HHIPL1: variants seen among roughly 807,000 people sequenced by gnomAD.
The protein encoded by HHIPL1 is HHIP-like protein 1.
A neutral mutation model predicts 61.8 loss-of-function variants in HHIPL1; 43 were observed. That is an observed-to-expected ratio of 0.70 (90% CI 0.55 to 0.90). HHIPL1 has a LOEUF of 0.90. Among genes scored for constraint, HHIPL1 ranks in the 40% least tolerant of loss-of-function variants. HHIPL1 has a pLI of 0.00. For synonymous variants in HHIPL1, 482 were observed against 515.8 expected (o/e 0.93, Z 0.89); for missense variants, 1,056 against 1,157.7 (o/e 0.91, Z 1.28).
Position 99,645,252 on chromosome 14 carries a change from CG to C in HHIPL1, c.49del (p.Ala17ProfsTer40). ...GGGCGCTGCTGGCGCTTTGGGTGCT[CG>C]GGGCCGCCGCGCATCCGCAGTGCCT... ...AGALLALWVLGAAAHPQCLDF... is the reference protein window; with the variant it reads ...AGALLALWVLXAAAHPQCLDF... On this transcript the variant is annotated frameshift_variant, in exon 1 of 9. Transcript: ENST00000330710. LOFTEE classifies it high-confidence loss of function. 1 of 1,380,174 alleles carries C rather than the reference CG, an allele frequency of 7.2e-7. No individual in the cohort carries two copies. Among genetic ancestry groups the C allele is most frequent in the Non-Finnish European group, 9.3e-7 (1 of 1,070,810 alleles). 85.5% of individuals were successfully genotyped at this position (1,380,174 alleles called of 1,614,324 possible). A position where few individuals can be genotyped will look rare whatever the true frequency, so the allele number is the denominator to read the frequency against.
At chr14:99,625,394 GTTA>G in the HHIPL1 span, 1 of 152,238 alleles carries the variant, frequency 6.6e-6, no homozygotes, top group Non-Finnish European at 1.5e-5. Context: ...TGCCAAACTG[GTTA>G]TTATTGTCAC....
At chr14:99,621,118 A>C in the HHIPL1 span, among the ~76,000 whole-genome samples, 12 of 151,982 alleles carry the variant, frequency 7.9e-5, no homozygotes, top group East Asian at 2.3e-3. Flanking sequence ...TTTTTTTTTG[A>C]AACAGGGTCT....
At chr14:99,622,836 A>T in the HHIPL1 span, among the ~76,000 whole-genome samples, 1 of 152,238 alleles carries the variant, frequency 6.6e-6, no homozygotes, top group South Asian at 2.1e-4. Context: ...TGGGATGGTC[A>T]CCACATTAAA....
intron 2 of HHIPL1, among the ~76,000 whole-genome samples, chr14:99,653,758 C>T (rs1424010173): frequency 6.6e-6 from 1 of 152,204 alleles, no homozygotes; most frequent in Non-Finnish European, 1.5e-5. Flanking sequence ...TATGCCCCAA[C>T]TGTTTTCAAA....
At position 99,680,038 on chromosome 14, in the gene HHIPL1, G is replaced by A. The variant is rs1235878329; in HGVS notation, c.*4412G>A. 1 of 152,106 alleles carries A rather than the reference G, an allele frequency of 6.6e-6. No homozygotes were observed. The highest frequency in any genetic ancestry group is 1.5e-5 in the Non-Finnish European group (1 of 68,042). 9.4% of individuals were successfully genotyped at this position (152,106 alleles called of 1,614,324 possible). ...CATTTAATCTTGACAACAGCTCCAC[G>A]AGACACCCTCAATATCACTGTCCCT... On this transcript the variant is annotated 3_prime_UTR_variant, in exon 9 of 9. Coordinates refer to ENST00000330710, the MANE Select transcript of HHIPL1 (RefSeq NM_001127258.3).
At chr14:99,657,288 TG>T in intron 3 of HHIPL1, 145 bp downstream of exon 3, 10 of 951,590 alleles carry the variant, frequency 1.1e-5, no homozygotes, top group South Asian at 1.5e-5. Flanking sequence ...TGCAGCTAGC[TG>T]GGCAGCCTAG....
chr14:99,668,721 C>A lies in HHIPL1; in HGVS notation c.1730+418C>A. On this transcript the variant is annotated intron_variant, in intron 7 of 8. Transcript: ENST00000330710. This position sits in a 1 kb window ranked among gnomAD's most constrained non-coding sequence, Gnocchi z 4.7. ...GATGCCTCCCAGATGACACCCTGAT[C>A]CCTGTGTGTCCCCGCCCCGTGCCTG... 1 of 948,046 alleles carries A rather than the reference C, an allele frequency of 1.1e-6. No homozygotes were observed. Among genetic ancestry groups the A allele is most frequent in the South Asian group, 1.4e-5 (1 of 71,866 alleles). 58.7% of individuals were successfully genotyped at this position (948,046 alleles called of 1,614,324 possible).
Position 99,654,302 on chromosome 14 carries a change from T to C in HHIPL1, c.902+1432T>C, listed in dbSNP as rs1244414882. ...TACCCCTTGGGCCGGGAGGACAAAGTGAGAAGATGGGGTTACTGGCGCCCT... is the reference window on the plus strand; with the variant it reads ...TACCCCTTGGGCCGGGAGGACAAAGCGAGAAGATGGGGTTACTGGCGCCCT... On this transcript the variant is annotated intron_variant, in intron 2 of 8. Coordinates refer to ENST00000330710, the MANE Select transcript of HHIPL1 (RefSeq NM_001127258.3). Among the ~76,000 whole-genome samples the C allele has an allele frequency of 2.0e-5, 3 of 150,922 alleles. 1 individual carries two copies. The highest frequency in any genetic ancestry group is 7.3e-5 in the African/African-American group (3 of 41,080).
chr14:99,672,216 T>G lies in HHIPL1; in HGVS notation c.1731-101T>G. ...TAGGTGCATGGTGAATGGCCGCCTG[T>G]TACTATCGTTGCTGTTCATACCTGC... On this transcript the variant is annotated intron_variant, in intron 7 of 8. Coordinates refer to ENST00000330710, the MANE Select transcript of HHIPL1 (RefSeq NM_001127258.3). The G allele has an allele frequency of 8.2e-6, 7 of 849,240 alleles. 1 individual carries two copies. The South Asian group carries it at 1.0e-4, about 13-fold the overall frequency. 52.6% of individuals were successfully genotyped at this position (849,240 alleles called of 1,614,324 possible). A position where few individuals can be genotyped will look rare whatever the true frequency, so the allele number is the denominator to read the frequency against.
chr14:99,658,605 T>TC (rs150323768), intron 3 of HHIPL1, among the ~76,000 whole-genome samples: 2,691 of 152,258 alleles, frequency 0.018, 74 homozygotes, highest in African/African-American at 0.062. Context: ...ACTGATGCAT[T>TC]CAGTCGGTGC....
chr14:99,612,673 AGGCCCACCCGTGATATGGG>A, the HHIPL1 span, among the ~76,000 whole-genome samples: 2 of 152,124 alleles, frequency 1.3e-5, no homozygotes, highest in Non-Finnish European at 2.9e-5. Flanking sequence ...GGTGAGGCCC[AGGCCCACCCGTGATATGGG>A]GGTGTTTCTG....
rs928202921 is a variant in HHIPL1, at chr14:99,677,930, C to T, written c.*2304C>T. On this transcript the variant is annotated 3_prime_UTR_variant, in exon 9 of 9. Transcript: ENST00000330710. This position sits in a 1 kb window ranked among gnomAD's most constrained non-coding sequence, Gnocchi z 4.3. ...CTGCAGCCTGCCTCCTGGGGACTCA[C>T]TCCACAGTCCCCAGGTCAGTGGTCC... 4 of 152,240 alleles carry T rather than the reference C, an allele frequency of 2.6e-5. No individual in the cohort carries two copies. The highest frequency in any genetic ancestry group is 4.8e-5 in the African/African-American group (2 of 41,450). The allele number at this position is 152,240 out of a possible 1,614,324, so 9.4% of individuals were successfully genotyped here.
At chr14:99,634,113 TCTC>T in the HHIPL1 span, among the ~76,000 whole-genome samples, 2 of 151,968 alleles carry the variant, frequency 1.3e-5, no homozygotes, top group Admixed American at 1.3e-4. Flanking sequence ...CACTGGAAAA[TCTC>T]CCAGCCGAGG....
intron 2 of HHIPL1, among the ~76,000 whole-genome samples, chr14:99,653,770 T>G (rs966728363): frequency 6.6e-6 from 1 of 152,252 alleles, no homozygotes; most frequent in Non-Finnish European, 1.5e-5. Flanking sequence ...GTTTTCAAAA[T>G]GGGTCTGACC....
At position 99,645,188 on chromosome 14, in the gene HHIPL1, T is replaced by C; in HGVS notation, c.-20T>C. ...ACCGGGGCTGCCGTCCCTCCGCCTC[T>C]TCCCCCGCGGGGCGTAGCGATGGCC... is the stretch of plus-strand genomic sequence containing the variant. On this transcript the variant is annotated 5_prime_UTR_variant, in exon 1 of 9. Coordinates refer to ENST00000330710, the MANE Select transcript of HHIPL1 (RefSeq NM_001127258.3). 2 of 1,265,038 alleles carry C rather than the reference T, an allele frequency of 1.6e-6. No individual in the cohort carries two copies. Among genetic ancestry groups the C allele is most frequent in the Non-Finnish European group, 2.0e-6 (2 of 1,005,678 alleles). The allele number at this position is 1,265,038 out of a possible 1,614,324, so 78.4% of individuals were successfully genotyped here.
chr14:99,645,255 G>A lies in HHIPL1; in HGVS notation c.48G>A (p.Gly16=). Residue 16 remains glycine (G), a synonymous_variant, in exon 1 of 9, where the codon GGG becomes GGA. Transcript: ENST00000330710. ...AGALLALWVL[G]AAAHPQCLDF... ...CGCTGCTGGCGCTTTGGGTGCTCGG[G>A]GCCGCCGCGCATCCGCAGTGCCTGG... The A allele has an allele frequency of 1.4e-6, 2 of 1,393,472 alleles. No individual in the cohort carries two copies. Among genetic ancestry groups the A allele is most frequent in the Non-Finnish European group, 9.3e-7 (1 of 1,077,544 alleles). 86.3% of individuals were successfully genotyped at this position (1,393,472 alleles called of 1,614,324 possible).
At chr14:99,664,920 T>TC (rs949655639) in intron 6 of HHIPL1, among the ~76,000 whole-genome samples, 9 of 151,432 alleles carry the variant, frequency 5.9e-5, no homozygotes, top group Admixed American at 1.3e-4. Context: ...TTTTTCTTTT[T>TC]TTTTTTTTTC....
chr14:99,652,258 C>T lies in HHIPL1; in HGVS notation c.290C>T (p.Ala97Val), dbSNP rs2055943581. 6.2e-7 allele frequency: 1 copy of T among 1,611,962 alleles called. No homozygotes were observed. The highest frequency in any genetic ancestry group is 8.5e-7 in the Non-Finnish European group (1 of 1,178,990). ...CCGTATGCAGCCCACCTCTATGACG[C>T]CGAGGACCCATTCACGCCCCTGCGC... is the stretch of plus-strand genomic sequence containing the variant. ...CSPYAAHLYD[A>V]EDPFTPLRTV... Residue 97 changes from alanine (A) to valine (V), a missense_variant, in exon 2 of 9, where the codon GCC (alanine) becomes GTC (valine). By Grantham distance (64) the Ala-to-Val change is moderately conservative. Transcript: ENST00000330710.
intron 2 of HHIPL1, among the ~76,000 whole-genome samples, chr14:99,656,346 T>C (rs2056027473): frequency 6.6e-6 from 1 of 152,190 alleles, no homozygotes; most frequent in Non-Finnish European, 1.5e-5. Flanking sequence ...CTGCTACCTG[T>C]GGGCTGTGTG....
Sources: allele counts gnomAD v4.1 joint callset (sites outside exome capture counted in the v4.1 genomes callset), GRCh38; gene constraint gnomAD v4.1.1; non-coding constraint Gnocchi (gnomAD v3.1); transcripts MANE v1.5; gene names NCBI Gene and HGNC (gene_info 2026-07-23, HGNC 2026-07-21).